Variants in PARD3B observed in about 807,000 individuals in gnomAD.
PARD3B encodes the protein partitioning defective 3 homolog B.
Under a neutral mutation model 130.2 loss-of-function variants are expected in PARD3B, and 103 were observed. That is an observed-to-expected ratio of 0.79 (90% confidence interval 0.67 to 0.93). The LOEUF is 0.93. PARD3B is among the 40% of genes least tolerant of loss of function. PARD3B has a pLI of 0.00. For missense variants in PARD3B, 1,609 were observed against 1,499.2 expected (o/e 1.07, Z -1.21); for synonymous variants, 583 against 553.2 (o/e 1.05, Z -0.76).
chr2:204,830,980 A>G (rs897134475), intron 2 of PARD3B, among the ~76,000 whole-genome samples: 2 of 152,236 alleles, frequency 1.3e-5, no homozygotes, highest in Non-Finnish European at 2.9e-5. Context: ...TGTACCTATT[A>G]TACTATAAAA....
chr2:204,795,484 T>C (rs2042339141), intron 2 of PARD3B, among the ~76,000 whole-genome samples: 1 of 152,178 alleles, frequency 6.6e-6, no homozygotes, highest in South Asian at 2.1e-4. Context: ...GCCTTTATAC[T>C]GAGGAGAAAT....
At chr2:205,520,685 TAC>T (rs111642220) in intron 21 of PARD3B, among the ~76,000 whole-genome samples, 2 of 151,216 alleles carry the variant, frequency 1.3e-5, no homozygotes, top group African/African-American at 2.4e-5. Context: ...TTTCTTTCTA[TAC>T]ACACACACAC....
chr2:204,899,472 T>G (rs1034762387), intron 2 of PARD3B, among the ~76,000 whole-genome samples: 2 of 152,180 alleles, frequency 1.3e-5, no homozygotes, highest in Admixed American at 6.5e-5. Flanking sequence ...TACCACTGAT[T>G]GCGTAAGCAT....
chr2:205,131,133 G>A (rs1255917951), intron 10 of PARD3B, among the ~76,000 whole-genome samples: 1 of 152,102 alleles, frequency 6.6e-6, no homozygotes, highest in Non-Finnish European at 1.5e-5. Flanking sequence ...TTGGCTATTT[G>A]ATTCAAATGA....
Position 205,150,211 on chromosome 2 carries a change from CTGTGTGTGTGTGTGTGTG to C in PARD3B, c.1435-8486_1435-8469del, listed in dbSNP as rs71409001. Among the ~76,000 whole-genome samples the C allele has an allele frequency of 3.0e-5, 4 of 134,184 alleles. 1 individual carries two copies. Among genetic ancestry groups the C allele is most frequent in the African/African-American group, 8.5e-5 (3 of 35,352 alleles). 88.0% of individuals were successfully genotyped at this position (134,184 alleles called of 152,430 possible). ...TTTCCCTTACTACGCCAGCCAGGCT[CTGTGTGTGTGTGTGTGTG>C]TGTGTGTGTGTGTGTGTGTGTGTGC... On this transcript the variant is annotated intron_variant, in intron 10 of 22. Transcript: ENST00000406610.
At position 204,965,315 on chromosome 2, in the gene PARD3B, TA is replaced by T; in HGVS notation, c.390del (p.Lys130AsnfsTer2). ...GAGATTGAAGTAACCCCTTCTGCTC[TA>T]AAACTAGGTATGTGTAATGTTTATG... ...GGEIEVTPSA[L>X]KLGTPLLVRR... On this transcript the variant is annotated frameshift_variant, in exon 3 of 23. Coordinates refer to ENST00000406610, the MANE Select transcript of PARD3B (RefSeq NM_001302769.2). LOFTEE classifies it high-confidence loss of function. The T allele has an allele frequency of 6.2e-7, 1 of 1,613,672 alleles. No homozygotes were observed. The highest frequency in any genetic ancestry group is 2.2e-5 in the East Asian group (1 of 44,876).
intron 6 of PARD3B, among the ~76,000 whole-genome samples, chr2:205,118,041 C>G (rs989099890): frequency 6.6e-6 from 1 of 152,156 alleles, no homozygotes; most frequent in African/African-American, 2.4e-5. Flanking sequence ...ATCCAGAGGC[C>G]TCTTTGTATC....
intron 2 of PARD3B, among the ~76,000 whole-genome samples, chr2:204,801,189 G>A (rs928331790): frequency 2.0e-5 from 3 of 152,092 alleles, no homozygotes; most frequent in Non-Finnish European, 4.4e-5. Context: ...GATTGTCTTG[G>A]CTATATGGGC....
intron 2 of PARD3B, among the ~76,000 whole-genome samples, chr2:204,893,825 C>A (rs1575233800): frequency 6.6e-6 from 1 of 151,834 alleles, no homozygotes; most frequent in African/African-American, 2.4e-5. Context: ...TAAGACTGTG[C>A]CTTATGAATA....
intron 2 of PARD3B, among the ~76,000 whole-genome samples, chr2:204,764,817 A>G (rs1031357363): frequency 1.3e-5 from 2 of 151,704 alleles, no homozygotes; most frequent in African/African-American, 4.8e-5. Context: ...TTACCTCCAT[A>G]TTCTCTTATA....
intron 2 of PARD3B, among the ~76,000 whole-genome samples, chr2:204,822,312 A>G (rs906514235): frequency 6.6e-6 from 1 of 152,248 alleles, no homozygotes; most frequent in Non-Finnish European, 1.5e-5. Context: ...ATGAAACTAT[A>G]GTGGATGAGG....
intron 2 of PARD3B, among the ~76,000 whole-genome samples, chr2:204,928,193 G>A (rs1687777729): frequency 6.6e-6 from 1 of 151,978 alleles, no homozygotes; most frequent in Non-Finnish European, 1.5e-5. Flanking sequence ...TGGGACAATT[G>A]GACTCTCCTT....
intron 18 of PARD3B, among the ~76,000 whole-genome samples, chr2:205,396,276 T>C (rs777113374): frequency 6.6e-5 from 10 of 152,230 alleles, no homozygotes; most frequent in Non-Finnish European, 1.5e-4. Flanking sequence ...TATGGATATA[T>C]ACTTGTTTGG....
chr2:205,027,915 T>C lies in PARD3B; in HGVS notation c.395-19666T>C, dbSNP rs184565772. Among the ~76,000 whole-genome samples the C allele has an allele frequency of 2.6e-5, 4 of 152,268 alleles. No homozygotes were observed. In the East Asian group the frequency reaches 7.7e-4, roughly 29 times the overall value. ...TTTTGTGCTCTCTGTTCTGTTCCAT[T>C]GGTCAATGTGTCTTGTTTTTATGCC... On this transcript the variant is annotated intron_variant, in intron 3 of 22. Coordinates refer to ENST00000406610, the MANE Select transcript of PARD3B (RefSeq NM_001302769.2).
At chr2:204,921,226 G>A (rs1349501706) in intron 2 of PARD3B, among the ~76,000 whole-genome samples, 2 of 152,146 alleles carry the variant, frequency 1.3e-5, no homozygotes, top group Non-Finnish European at 2.9e-5. Context: ...CATGTGTGAA[G>A]AAATAAGAAT....
intron 20 of PARD3B, among the ~76,000 whole-genome samples, chr2:205,467,815 G>A (rs548776292): frequency 6.6e-6 from 1 of 152,308 alleles, no homozygotes; most frequent in African/African-American, 2.4e-5. Flanking sequence ...AGTTCCTGAA[G>A]CAGAAAACAT....
intron 2 of PARD3B, among the ~76,000 whole-genome samples, chr2:204,829,379 A>G (rs2043719020): frequency 6.6e-6 from 1 of 152,242 alleles, no homozygotes. Flanking sequence ...ATAGAAAGTT[A>G]TGACTGGGAT....
At chr2:205,182,008 A>G (rs924960505) in intron 13 of PARD3B, among the ~76,000 whole-genome samples, 2 of 152,194 alleles carry the variant, frequency 1.3e-5, no homozygotes, top group Non-Finnish European at 2.9e-5. Flanking sequence ...AAATGTAACA[A>G]GGGGCCGGGT....
intron 3 of PARD3B, among the ~76,000 whole-genome samples, chr2:204,968,826 G>T (rs1029388318): frequency 6.6e-6 from 1 of 152,094 alleles, no homozygotes; most frequent in African/African-American, 2.4e-5. Context: ...GACATAAAGG[G>T]GTTCATAGTC....
Sources: gnomAD v4.1 joint callset for allele counts (sites outside exome capture counted in the v4.1 genomes callset) on GRCh38, gnomAD v4.1.1 for gene constraint, MANE v1.5 for transcripts, NCBI Gene and HGNC (gene_info 2026-07-23, HGNC 2026-07-21) for gene names.